FAM114A2: variants seen among roughly 807,000 people sequenced by gnomAD.
The protein encoded by FAM114A2 is family with sequence similarity 114 member A2.
Under a neutral mutation model 58.4 loss-of-function variants are expected in FAM114A2, and 53 were observed. The observed-to-expected ratio is 0.91, with a 90% CI of 0.73 to 1.14. The LOEUF is 1.14. FAM114A2 is among the 50% of genes most tolerant of loss of function. The pLI is 0.00. For synonymous variants in FAM114A2, 228 were observed against 211.4 expected, an observed-to-expected ratio of 1.08 and a Z score of -0.68; for missense variants, 601 against 581.1, an observed-to-expected ratio of 1.03 and a Z score of -0.35.
chr5:154,026,350 T>A, intron 8 of FAM114A2, 49 bp downstream of exon 8: 3 of 1,438,376 alleles, frequency 2.1e-6, no homozygotes, highest in East Asian at 2.6e-5. Flanking sequence ...ATGCACTGCA[T>A]ACAAACACAC....
chr5:154,000,559 T>C (rs1229452159), intron 11 of FAM114A2, among the ~76,000 whole-genome samples: 1 of 152,144 alleles, frequency 6.6e-6, no homozygotes, highest in African/African-American at 2.4e-5. Flanking sequence ...GTGTTCCAAA[T>C]GACGGCAATC....
At chr5:154,012,392 C>T (rs1770756478) in intron 8 of FAM114A2, among the ~76,000 whole-genome samples, 1 of 152,188 alleles carries the variant, frequency 6.6e-6, no homozygotes, top group Non-Finnish European at 1.5e-5. Context: ...GAATCCTATA[C>T]ACTCCCCACT....
At position 154,034,920 on chromosome 5, in the gene FAM114A2, G is replaced by C; in HGVS notation, c.34C>G (p.Leu12Val). Residue 12 changes from leucine to valine, a missense_variant, in exon 2 of 14, where the codon CTA (leucine) becomes GTA (valine). Transcript: ENST00000351797. ...TCAAGGATGGGGGCTGCTTCAGTTA[G>C]CAGTGGAGTCTCAATATCATCTTTA... ...SDKDDIETPL[L>V]TEAAPILEDG... 1 of 1,613,882 alleles carries C rather than the reference G, an allele frequency of 6.2e-7. No homozygotes were observed. The highest frequency in any genetic ancestry group is 8.5e-7 in the Non-Finnish European group (1 of 1,179,802).
chr5:154,002,250 C>G lies in FAM114A2; in HGVS notation c.1256+1G>C. ...TTTAGAGGAATTCTCATTACACTTA[C>G]TGGGAAAGAGTTTGGCTCCTTTCTA... is the stretch of plus-strand genomic sequence containing the variant. On this transcript the variant is annotated splice_donor_variant, in intron 11 of 13. Transcript: ENST00000351797. LOFTEE classifies it high-confidence loss of function. 1 of 1,613,234 alleles carries G rather than the reference C, an allele frequency of 6.2e-7. No individual in the cohort carries two copies.
At position 154,033,937 on chromosome 5, in the gene FAM114A2, C is replaced by G. The variant is rs1772361644; in HGVS notation, c.311-54G>C. On this transcript the variant is annotated intron_variant, in intron 3 of 13. Transcript: ENST00000351797. Reference sequence around the variant, plus strand: ...CTATTTGTCACCAAAACTGAAGAAACAAAAATCAAACTTGAAGATTTTTAA... The same window carrying G: ...CTATTTGTCACCAAAACTGAAGAAAGAAAAATCAAACTTGAAGATTTTTAA... 15 of 1,107,738 alleles carry G rather than the reference C, an allele frequency of 1.4e-5. No individual in the cohort carries two copies. In the Admixed American group the frequency reaches 2.2e-4, roughly 16 times the overall value. The allele number at this position is 1,107,738 out of a possible 1,614,324, so 68.6% of individuals were successfully genotyped here.
intron 11 of FAM114A2, 82 bp downstream of exon 11, chr5:154,002,169 A>G: frequency 7.5e-7 from 1 of 1,327,144 alleles, no homozygotes; most frequent in Non-Finnish European, 1.1e-6. Flanking sequence ...GTTTCTTGAG[A>G]GAGACGTTTA....
intron 9 of FAM114A2, among the ~76,000 whole-genome samples, chr5:154,004,817 T>C (rs889014106): frequency 1.3e-5 from 2 of 152,270 alleles, no homozygotes; most frequent in South Asian, 4.1e-4. Flanking sequence ...TAAATCTATC[T>C]TCCAAAATGC....
intron 5 of FAM114A2, among the ~76,000 whole-genome samples, chr5:154,028,915 C>T (rs186929599): frequency 2.9e-4 from 44 of 152,124 alleles, no homozygotes; most frequent in African/African-American, 1.0e-3. Flanking sequence ...GATCTGATTA[C>T]GGTAATACTG....
In FAM114A2 at chr5:153,991,192, A is replaced by C. The variant is rs189817936; in HGVS notation, c.*1784T>G. Reference sequence around the variant, plus strand: ...TTGCCAAATTCAGGGCTGAAATCTGAATAGGTGTATAAAAAGAGTTGTTAC... The same window carrying C: ...TTGCCAAATTCAGGGCTGAAATCTGCATAGGTGTATAAAAAGAGTTGTTAC... On this transcript the variant is annotated 3_prime_UTR_variant, in exon 14 of 14. Transcript: ENST00000351797. 1.3e-5 allele frequency: 2 copies of C among 152,336 alleles called. No homozygotes were observed. 9.4% of individuals were successfully genotyped at this position (152,336 alleles called of 1,614,324 possible). A position where few individuals can be genotyped will look rare whatever the true frequency, so the allele number is the denominator to read the frequency against.
At chr5:154,013,614 T>C (rs1379969178) in intron 8 of FAM114A2, among the ~76,000 whole-genome samples, 1 of 152,182 alleles carries the variant, frequency 6.6e-6, no homozygotes, top group Admixed American at 6.5e-5. Context: ...GTTCTCTGAA[T>C]GGTATTTAAA....
intron 2 of FAM114A2, 26 bp from the exon 3 acceptor site, chr5:154,034,403 A>C (rs1772405512): frequency 3.5e-6 from 5 of 1,418,696 alleles, no homozygotes; most frequent in Non-Finnish European, 4.8e-6. Context: ...GCAGAAAAAC[A>C]AAAGGCAAAG....
chr5:154,028,925 G>A (rs1771988436), intron 5 of FAM114A2, among the ~76,000 whole-genome samples: 1 of 151,950 alleles, frequency 6.6e-6, no homozygotes, highest in African/African-American at 2.4e-5. Flanking sequence ...CGGTAATACT[G>A]TTTCTTACTC....
chr5:154,025,428 GA>G (rs138287508), intron 8 of FAM114A2, among the ~76,000 whole-genome samples: 12 of 151,118 alleles, frequency 7.9e-5, no homozygotes, highest in African/African-American at 2.9e-4. Flanking sequence ...TGCCAAAGCA[GA>G]AAAAAAACTC....
intron 8 of FAM114A2, among the ~76,000 whole-genome samples, chr5:154,015,997 T>C (rs1438840735): frequency 2.0e-5 from 3 of 151,540 alleles, no homozygotes; most frequent in Non-Finnish European, 2.9e-5. Flanking sequence ...GTCTCAGCAA[T>C]AGAATTGAAC....
chr5:154,015,530 T>G (rs772029166), intron 8 of FAM114A2, among the ~76,000 whole-genome samples: 1 of 152,036 alleles, frequency 6.6e-6, no homozygotes, highest in Non-Finnish European at 1.5e-5. Context: ...TAACAATCAC[T>G]ACAGCTTGGC....
chr5:154,025,161 C>T (rs1048165898), intron 8 of FAM114A2, among the ~76,000 whole-genome samples: 3 of 152,116 alleles, frequency 2.0e-5, no homozygotes, highest in Non-Finnish European at 2.9e-5. Flanking sequence ...AAGTGCTTTT[C>T]CTGAGACAAC....
chr5:153,995,338 C>T (rs6877914), intron 12 of FAM114A2: 105,845 of 162,682 alleles, frequency 0.65, 34,809 homozygotes, highest in East Asian at 0.87. Flanking sequence ...AAAAATCTTA[C>T]AAATAAATAA....
At chr5:153,994,683 G>A (rs1769442951) in intron 13 of FAM114A2, 3 of 448,680 alleles carry the variant, frequency 6.7e-6, no homozygotes, top group African/African-American at 3.9e-5. Context: ...TCAAGGATTA[G>A]TACTAAGTAA....
rs1401328293 is a variant in FAM114A2 at position 153,991,494 on chromosome 5, T to C, written c.*1482A>G. On this transcript the variant is annotated 3_prime_UTR_variant, in exon 14 of 14. Transcript: ENST00000351797. ...ATATTCAAGCTGGAAAGGGTGAAAT[T>C]TGTCTTTAAAAAGGAATATTCAAAA... is the stretch of plus-strand genomic sequence containing the variant. 1 of 152,154 alleles carries C rather than the reference T, an allele frequency of 6.6e-6. No individual in the cohort carries two copies. Among genetic ancestry groups the C allele is most frequent in the South Asian group, 2.1e-4 (1 of 4,824 alleles). The allele number at this position is 152,154 out of a possible 1,614,324, so 9.4% of individuals were successfully genotyped here. A position where few individuals can be genotyped will look rare whatever the true frequency, so the allele number is the denominator to read the frequency against.
Sources: allele counts gnomAD v4.1 joint callset (sites outside exome capture counted in the v4.1 genomes callset), GRCh38; gene constraint gnomAD v4.1.1; transcripts MANE v1.5; gene names NCBI Gene and HGNC (gene_info 2026-07-23, HGNC 2026-07-21).